The following SLC35F3 variants were observed in gnomAD, a reference collection of about 807,000 sequenced individuals.
SLC35F3 encodes the protein solute carrier family 35 member F3, also known as putative thiamine transporter SLC35F3.
SLC35F3 carries 25 observed loss-of-function variants against 49.9 expected under a neutral mutation model. The ratio of observed to expected loss-of-function variants is 0.50; its 90% CI spans 0.37 to 0.70. The LOEUF (loss-of-function observed/expected upper bound fraction) is 0.70, where lower values mean the gene tolerates loss of function less well. SLC35F3 is among the 30% of genes least tolerant of loss of function. The probability of loss-of-function intolerance (pLI) is 0.00; values close to 1 mark genes in which losing one functional copy is unlikely to be tolerated. For synonymous variants in SLC35F3, 275 were observed against 265.4 expected (o/e 1.04, Z -0.35); for missense variants, 525 against 639.8 (o/e 0.82, Z 1.94).
At chr1:234,247,421 G>GGGTT (rs1667651489) in intron 3 of SLC35F3, among the ~76,000 whole-genome samples, 1 of 152,002 alleles carries the variant, frequency 6.6e-6, no homozygotes, top group African/African-American at 2.4e-5. Context: ...ATTGTTTGGT[G>GGGTT]GGTTGGTTGG....
intron 2 of SLC35F3, among the ~76,000 whole-genome samples, chr1:234,230,083 T>A (rs1667343096): frequency 6.6e-6 from 1 of 151,986 alleles, no homozygotes. Flanking sequence ...AGGAGGGAGG[T>A]TATTAATAAA....
intron 3 of SLC35F3, among the ~76,000 whole-genome samples, chr1:234,236,340 T>C (rs1667466937): frequency 6.6e-6 from 1 of 152,030 alleles, no homozygotes; most frequent in African/African-American, 2.4e-5. Context: ...CTCAGGGGAC[T>C]AGGCAGGAGG....
At chr1:234,094,920 C>T (rs1239955386) in intron 2 of SLC35F3, among the ~76,000 whole-genome samples, 3 of 152,142 alleles carry the variant, frequency 2.0e-5, no homozygotes, top group Non-Finnish European at 2.9e-5. Context: ...AAGGAAATTG[C>T]TTACCTGCTA....
intron 2 of SLC35F3, among the ~76,000 whole-genome samples, chr1:233,950,587 C>T (rs974493276): frequency 1.8e-4 from 27 of 150,362 alleles, no homozygotes. Context: ...CTTCGTACCT[C>T]CTTCCTCTTT....
At chr1:234,285,352 G>T in intron 3 of SLC35F3, 1 of 482,604 alleles carries the variant, frequency 2.1e-6, no homozygotes. Flanking sequence ...GTTCAGATGA[G>T]GCCAGGTGTT....
chr1:233,963,777 A>T (rs1419343906), intron 2 of SLC35F3, among the ~76,000 whole-genome samples: 1 of 152,236 alleles, frequency 6.6e-6, no homozygotes, highest in Non-Finnish European at 1.5e-5. Flanking sequence ...AATCTAGAGC[A>T]GTGTCAGAGC....
At chr1:234,069,885 G>A (rs1182803794) in intron 2 of SLC35F3, among the ~76,000 whole-genome samples, 1 of 152,174 alleles carries the variant, frequency 6.6e-6, no homozygotes, top group Non-Finnish European at 1.5e-5. Flanking sequence ...CCCAGACTGT[G>A]CTACATTCTG....
At chr1:234,274,837 C>G (rs538671562) in intron 3 of SLC35F3, among the ~76,000 whole-genome samples, 2 of 152,264 alleles carry the variant, frequency 1.3e-5, no homozygotes, top group African/African-American at 4.8e-5. Context: ...CTATTTCTGT[C>G]TTAAAAGTGG....
At chr1:234,099,139 G>T (rs939004791) in intron 2 of SLC35F3, among the ~76,000 whole-genome samples, 3 of 152,208 alleles carry the variant, frequency 2.0e-5, no homozygotes, top group African/African-American at 7.2e-5. Flanking sequence ...TGCTAGAAAA[G>T]GCAGAAATCA....
intron 2 of SLC35F3, among the ~76,000 whole-genome samples, chr1:234,067,918 A>G (rs894321896): frequency 6.6e-6 from 1 of 152,182 alleles, no homozygotes; most frequent in African/African-American, 2.4e-5. Flanking sequence ...TTTACCTTCA[A>G]ATAAAGTAGC....
chr1:234,013,769 C>T (rs1663760495), intron 2 of SLC35F3, among the ~76,000 whole-genome samples: 1 of 151,256 alleles, frequency 6.6e-6, no homozygotes, highest in African/African-American at 2.4e-5. Context: ...ATACAATTAC[C>T]AAGACGGAAT....
At chr1:234,144,400 C>T (rs887403470) in intron 2 of SLC35F3, among the ~76,000 whole-genome samples, 21 of 152,158 alleles carry the variant, frequency 1.4e-4, no homozygotes, top group Admixed American at 1.4e-3. Context: ...AAGAAAAGGT[C>T]CTTCATGACT....
chr1:234,135,139 G>A lies in SLC35F3; in HGVS notation c.284-96278G>A, dbSNP rs536525529. Among the ~76,000 whole-genome samples, 46 of 152,316 alleles carry A rather than the reference G, an allele frequency of 3.0e-4. 1 individual carries two copies. In the South Asian group the frequency reaches 9.3e-3, roughly 31 times the overall value. ...GTAATTGAGCAGAGACTTAAATAGA[G>A]TGAAGGAATAGGCCATACAGATAGG... On this transcript the variant is annotated intron_variant, in intron 2 of 7. Transcript: ENST00000366618.
chr1:234,070,593 T>C (rs917567954), intron 2 of SLC35F3, among the ~76,000 whole-genome samples: 6 of 152,206 alleles, frequency 3.9e-5, no homozygotes, highest in Non-Finnish European at 7.3e-5. Context: ...TAACAGAATG[T>C]TGGGTGTGTC....
chr1:234,062,158 A>G (rs910986566), intron 2 of SLC35F3, among the ~76,000 whole-genome samples: 19 of 152,146 alleles, frequency 1.2e-4, no homozygotes, highest in African/African-American at 4.3e-4. Flanking sequence ...CTTACTGACA[A>G]CTTTTGTTAC....
At chr1:234,147,849 G>C (rs1196664437) in intron 2 of SLC35F3, among the ~76,000 whole-genome samples, 1 of 152,250 alleles carries the variant, frequency 6.6e-6, no homozygotes, top group Non-Finnish European at 1.5e-5. Context: ...TCCACCCCCA[G>C]AGTCTCTTGA....
intron 2 of SLC35F3, among the ~76,000 whole-genome samples, chr1:233,928,348 C>G (rs76066968): frequency 0.028 from 4,216 of 152,254 alleles, 212 homozygotes; most frequent in African/African-American, 0.097. Context: ...CACTGTCTCT[C>G]CCTTTCCTTT....
chr1:234,322,922 G>A (rs35870005), intron 7 of SLC35F3, 86 bp from the exon 8 acceptor site: 353,129 of 1,070,274 alleles, frequency 0.33, 61,542 homozygotes, highest in East Asian at 0.58. Context: ...GCCAGACAGA[G>A]GAGGGTGCCC....
intron 3 of SLC35F3, among the ~76,000 whole-genome samples, chr1:234,275,850 A>C (rs11584473): frequency 2.0e-5 from 3 of 151,636 alleles, no homozygotes; most frequent in Non-Finnish European, 2.9e-5. Context: ...GCCAGGTACT[A>C]TTCTAAGCAC....
Sources: allele counts gnomAD v4.1 joint callset (sites outside exome capture counted in the v4.1 genomes callset), GRCh38; gene constraint gnomAD v4.1.1; transcripts MANE v1.5; gene names NCBI Gene and HGNC (gene_info 2026-07-23, HGNC 2026-07-21).